The following TM6SF2 variants were observed in gnomAD, a reference collection of about 807,000 sequenced individuals.
The protein encoded by TM6SF2 is transmembrane 6 superfamily member 2.
A neutral mutation model predicts 41.0 loss-of-function variants in TM6SF2; 29 were observed. That is an observed-to-expected ratio of 0.71 (90% CI 0.53 to 0.96). TM6SF2 has a LOEUF of 0.96. TM6SF2 is among the 50% of genes least tolerant of loss of function. The probability of loss-of-function intolerance (pLI) is 0.00; values close to 1 mark genes in which losing one functional copy is unlikely to be tolerated. For missense variants in TM6SF2, 475 were observed against 499.0 expected, an observed-to-expected ratio of 0.95 and a Z score of 0.46; for synonymous variants, 200 against 209.1, an observed-to-expected ratio of 0.96 and a Z score of 0.37.
rs547798338 is a variant in TM6SF2 at position 19,267,166 on chromosome 19, C to T, written c.804+455G>A. The stretch of plus-strand genomic sequence containing the variant: ...GGTGGATCACTTGAGGTCAGGAGTT[C>T]GAGACCAGCCTGACCAACATGGCAA... On this transcript the variant is annotated intron_variant, in intron 8 of 9. Coordinates refer to ENST00000389363, the MANE Select transcript of TM6SF2 (RefSeq NM_001001524.3). 1.2e-3 allele frequency among the ~76,000 whole-genome samples: 177 copies of T among 151,926 alleles called. 1 individual carries two copies. Among genetic ancestry groups the T allele is most frequent in the Non-Finnish European group, 1.7e-3 (115 of 67,964 alleles).
At chr19:19,265,418 C>CTATT (rs1568611164) in intron 9 of TM6SF2, among the ~76,000 whole-genome samples, 3 of 112,034 alleles carry the variant, frequency 2.7e-5, no homozygotes, top group African/African-American at 1.1e-4. Flanking sequence ...ATCCATCCAT[C>CTATT]TATCTATCTA....
intron 9 of TM6SF2, among the ~76,000 whole-genome samples, chr19:19,265,846 A>G (rs914775502): frequency 6.6e-6 from 1 of 151,904 alleles, no homozygotes; most frequent in Non-Finnish European, 1.5e-5. Flanking sequence ...TCTCTCTCTG[A>G]CCTGGCTCCA....
chr19:19,273,084 T>G, intron 1 of TM6SF2, 37 bp downstream of exon 1: 8 of 157,022 alleles, frequency 5.1e-5, no homozygotes, highest in Non-Finnish European at 8.3e-5. Context: ...CCGCCCCCAC[T>G]GTCCCCAAGG....
At chr19:19,270,090 G>A in intron 4 of TM6SF2, 83 bp downstream of exon 4, 2 of 1,580,914 alleles carry the variant, frequency 1.3e-6, no homozygotes, top group Non-Finnish European at 1.7e-6. Context: ...AGACACTTCT[G>A]GCTCCACCCT....
intron 1 of TM6SF2, 60 bp downstream of exon 1, chr19:19,273,061 T>TGGCCCCCCC: frequency 2.9e-5 from 9 of 305,462 alleles, no homozygotes; most frequent in Non-Finnish European, 3.6e-5. Context: ...CCTCCAGTCC[T>TGGCCCCCCC]CCCCGCCCCC....
intron 1 of TM6SF2, 60 bp downstream of exon 1, chr19:19,273,061 T>TGCCCCCCCCC: frequency 1.3e-5 from 4 of 305,470 alleles, no homozygotes; most frequent in Non-Finnish European, 1.8e-5. Flanking sequence ...CCTCCAGTCC[T>TGCCCCCCCCC]CCCCGCCCCC....
intron 6 of TM6SF2, 119 bp downstream of exon 6, chr19:19,268,511 C>T (rs932146567): frequency 7.1e-7 from 1 of 1,413,904 alleles, no homozygotes; most frequent in Admixed American, 2.8e-5. Context: ...CCCAGCCCTC[C>T]CTTCTTTCTT....
At chr19:19,265,407 C>CTATCTATTTATCT (rs1478604397) in intron 9 of TM6SF2, among the ~76,000 whole-genome samples, 6 of 87,638 alleles carry the variant, frequency 6.8e-5, no homozygotes, top group Non-Finnish European at 7.3e-5. Flanking sequence ...TCTATCTATC[C>CTATCTATTTATCT]ATCCATCCAT....
In TM6SF2 at chr19:19,268,643, C is replaced by A. The variant is rs778220855; in HGVS notation, c.596G>T (p.Cys199Phe). The A allele has an allele frequency of 1.9e-6, 3 of 1,585,524 alleles. No individual in the cohort carries two copies. The highest frequency in any genetic ancestry group is 2.6e-6 in the Non-Finnish European group (3 of 1,171,094). Residue 199 changes from cysteine to phenylalanine, a missense_variant, in exon 6 of 10, where the codon TGC becomes TTC. Around this residue, in one of 3 missense-constraint regions of TM6SF2, gnomAD observed 47 missense variants for 80.3 expected, o/e 0.59. Coordinates refer to ENST00000389363, the MANE Select transcript of TM6SF2 (RefSeq NM_001001524.3). ...VFSQPRALTRCTANMVQEEQR... is the reference protein window; with the variant it reads ...VFSQPRALTRFTANMVQEEQR... ...TAAGGCACTCACCATGTTGGCGGTG[C>A]AGCGGGTTAGCGCCCGGGGCTGGCT...
chr19:19,270,574 C>T (rs1297353859), intron 2 of TM6SF2, 132 bp from the exon 3 acceptor site: 2 of 1,121,168 alleles, frequency 1.8e-6, no homozygotes, highest in Non-Finnish European at 2.5e-6. Flanking sequence ...CAGGCCCAGT[C>T]CCTGCCCCAA....
At chr19:19,267,809 C>T in intron 7 of TM6SF2, 96 bp from the exon 8 acceptor site, 2 of 1,272,256 alleles carry the variant, frequency 1.6e-6, no homozygotes, top group East Asian at 2.5e-5. Flanking sequence ...CTGGCCTCTC[C>T]CAGCCCAGCT....
chr19:19,269,375 C>T (rs2061014743), intron 5 of TM6SF2, among the ~76,000 whole-genome samples: 1 of 152,190 alleles, frequency 6.6e-6, no homozygotes, highest in Admixed American at 6.5e-5. Context: ...CAAGACCTAC[C>T]CCTGAAGCTT....
At chr19:19,270,147 G>GA in intron 4 of TM6SF2, 26 bp downstream of exon 4, 1 of 1,613,230 alleles carries the variant, frequency 6.2e-7, no homozygotes, top group Non-Finnish European at 8.5e-7. Flanking sequence ...CAGGGTCAGG[G>GA]GCCACCCTCT....
intron 2 of TM6SF2, 44 bp from the exon 3 acceptor site, chr19:19,270,486 G>A (rs748506657): frequency 7.6e-6 from 12 of 1,575,240 alleles, no homozygotes; most frequent in Middle Eastern, 1.7e-4. Context: ...GAGGGGACAC[G>A]TGTGGGTGGG....
chr19:19,273,061 T>TTGCCCCCCC, intron 1 of TM6SF2, 60 bp downstream of exon 1: 8 of 305,466 alleles, frequency 2.6e-5, no homozygotes, highest in Admixed American at 5.9e-5. Context: ...CCTCCAGTCC[T>TTGCCCCCCC]CCCCGCCCCC....
chr19:19,272,876 G>A (rs1213599528), intron 1 of TM6SF2, among the ~76,000 whole-genome samples: 1 of 152,094 alleles, frequency 6.6e-6, no homozygotes, highest in Non-Finnish European at 1.5e-5. Flanking sequence ...TTCTTCCCAG[G>A]CCACAAACAT....
In TM6SF2 at chr19:19,272,690, A is replaced by AGG. The variant is rs915859711; in HGVS notation, c.95+429_95+430dup. On this transcript the variant is annotated intron_variant, in intron 1 of 9. Coordinates refer to ENST00000389363, the MANE Select transcript of TM6SF2 (RefSeq NM_001001524.3). ...ACAGGCCTGAGACAGGCAATGGAGTAGGGTGTGTGTGTGTGTGTGTGTGTG... is the reference window on the plus strand; with the variant it reads ...ACAGGCCTGAGACAGGCAATGGAGTAGGGGGTGTGTGTGTGTGTGTGTGTGTG... Among the ~76,000 whole-genome samples, 22 of 70,226 alleles carry AGG rather than the reference A, an allele frequency of 3.1e-4. No individual in the cohort carries two copies. In the East Asian group the frequency reaches 3.6e-3, roughly 12 times the overall value. The allele number at this position is 70,226 out of a possible 152,430, so 46.1% of individuals were successfully genotyped here.
chr19:19,271,035 G>A lies in TM6SF2; in HGVS notation c.186C>T (p.Asp62=), dbSNP rs753282565. The A allele has an allele frequency of 3.0e-5, 48 of 1,613,950 alleles. No homozygotes were observed. Among genetic ancestry groups the A allele is most frequent in the Non-Finnish European group, 3.8e-5 (45 of 1,179,942 alleles). Residue 62 remains aspartate (D), a synonymous_variant, in exon 2 of 10, where the codon GAC becomes GAT. Coordinates refer to ENST00000389363, the MANE Select transcript of TM6SF2 (RefSeq NM_001001524.3). ...YSLSHGEVSY[D]PLYAVFAVFA... ...CCACTGACTCACCAGCATAGAGTGG[G>A]TCATAGGAGACCTCGCCATGGGACA...
intron 9 of TM6SF2, among the ~76,000 whole-genome samples, chr19:19,266,169 G>T (rs2061002413): frequency 6.6e-6 from 1 of 151,998 alleles, no homozygotes; most frequent in Admixed American, 6.6e-5. Context: ...GCTTCTCCTT[G>T]TGCTGTTCCC....
Sources: allele counts gnomAD v4.1 joint callset (sites outside exome capture counted in the v4.1 genomes callset), GRCh38; gene constraint gnomAD v4.1.1; regional missense constraint gnomAD v4.1.1; transcripts MANE v1.5; gene names NCBI Gene and HGNC (gene_info 2026-07-23, HGNC 2026-07-21).